The following CLSTN1 variants were observed in gnomAD, a reference collection of about 807,000 sequenced individuals.
CLSTN1 encodes calsyntenin 1.
Under a neutral mutation model 108.3 loss-of-function variants are expected in CLSTN1, and 28 were observed. That is an observed-to-expected ratio of 0.26 (90% CI 0.19 to 0.35). The LOEUF (loss-of-function observed/expected upper bound fraction) is 0.35. Ranked by LOEUF, CLSTN1 falls within the 10% of genes least tolerant of loss-of-function variation. The pLI is 1.00. For missense variants in CLSTN1, 1,157 were observed against 1,302.6 expected (o/e 0.89, Z 1.72); for synonymous variants, 524 against 534.9 (o/e 0.98, Z 0.28).
At chr1:9,747,095 G>A (rs531735749) in intron 7 of CLSTN1, among the ~76,000 whole-genome samples, 4 of 146,650 alleles carry the variant, frequency 2.7e-5, no homozygotes, top group South Asian at 2.1e-4. Context: ...CAGGAGAATC[G>A]CTTGAACCCA....
chr1:9,781,396 A>G (rs1016696907), intron 1 of CLSTN1, among the ~76,000 whole-genome samples: 8 of 152,166 alleles, frequency 5.3e-5, no homozygotes, highest in Admixed American at 5.2e-4. Flanking sequence ...AAATCAGTGG[A>G]AAGTGGCTTA....
At chr1:9,808,775 C>T (rs1180646882) in intron 1 of CLSTN1, among the ~76,000 whole-genome samples, 1 of 152,078 alleles carries the variant, frequency 6.6e-6, no homozygotes, top group African/African-American at 2.4e-5. Context: ...GTGGGCTGCT[C>T]AGATGCCAGG....
intron 1 of CLSTN1, among the ~76,000 whole-genome samples, chr1:9,819,613 C>G (rs1483500963): frequency 6.6e-6 from 1 of 152,136 alleles, no homozygotes; most frequent in East Asian, 1.9e-4. Context: ...TGCTTGGTTT[C>G]ATGCTTTTTC....
intron 9 of CLSTN1, among the ~76,000 whole-genome samples, chr1:9,742,822 C>A (rs1257495770): frequency 1.3e-5 from 2 of 151,868 alleles, no homozygotes; most frequent in Non-Finnish European, 2.9e-5. Flanking sequence ...GCAGGAGGAT[C>A]GCTTGAACCC....
chr1:9,782,530 G>A (rs1278344149), intron 1 of CLSTN1, among the ~76,000 whole-genome samples: 1 of 152,174 alleles, frequency 6.6e-6, no homozygotes, highest in Non-Finnish European at 1.5e-5. Flanking sequence ...AGTGCAGGCT[G>A]TAGCTAGGCA....
At chr1:9,739,420 G>A (rs1463020711) in intron 10 of CLSTN1, among the ~76,000 whole-genome samples, 1 of 152,300 alleles carries the variant, frequency 6.6e-6, no homozygotes, top group African/African-American at 2.4e-5. Context: ...ATTTCAGGAT[G>A]TTAATAACTA....
rs375296728 is a variant in CLSTN1 at position 9,770,733 on chromosome 1, C to T, written c.214+2539G>A. The stretch of plus-strand genomic sequence containing the variant: ...TATTGGCTGGGTGTGGTGGCTCACG[C>T]CTATAATCCCAGCACTTCGGGAGGC... On this transcript the variant is annotated intron_variant, in intron 2 of 18. Coordinates refer to ENST00000377298, the MANE Select transcript of CLSTN1 (RefSeq NM_001009566.3). Among the ~76,000 whole-genome samples, 21 of 152,334 alleles carry T rather than the reference C, an allele frequency of 1.4e-4. No homozygotes were observed. In the East Asian group the frequency reaches 3.5e-3, roughly 25 times the overall value.
chr1:9,735,110 G>T lies in CLSTN1; in HGVS notation c.1948C>A (p.Pro650Thr), dbSNP rs774557268. The change falls in exon 14 of 19, where the codon CCC becomes ACC. Residue 650 changes from proline to threonine, a missense_variant. Transcript: ENST00000377298. ...PVDGYVMVLQ[P>T]EEPKISLSGV... is the part of the protein sequence containing the mutation. ...CTCAGGCTGATCTTGGGCTCCTCGG[G>T]CTGTAAAACCATCACGTAGCCATCT... 9.3e-6 allele frequency: 15 copies of T among 1,614,214 alleles called. No individual in the cohort carries two copies. In the South Asian group the frequency reaches 1.6e-4, roughly 18 times the overall value.
chr1:9,791,005 G>A (rs867802356), intron 1 of CLSTN1, among the ~76,000 whole-genome samples: 4 of 150,998 alleles, frequency 2.6e-5, no homozygotes, highest in South Asian at 2.2e-4. Context: ...GGTGGTGGGC[G>A]CCTGTAGTCC....
At chr1:9,776,667 T>C (rs1304114860) in intron 1 of CLSTN1, among the ~76,000 whole-genome samples, 1 of 152,102 alleles carries the variant, frequency 6.6e-6, no homozygotes, top group African/African-American at 2.4e-5. Flanking sequence ...TCTACAACAA[T>C]GGGTCTTCAA....
chr1:9,820,720 CAT>C (rs1655161250), intron 1 of CLSTN1, among the ~76,000 whole-genome samples: 1 of 152,080 alleles, frequency 6.6e-6, no homozygotes, highest in Non-Finnish European at 1.5e-5. Context: ...TGACGGGAAA[CAT>C]ATGCAAAGCA....
At chr1:9,755,417 G>T (rs1651764042) in intron 3 of CLSTN1, 108 bp from the exon 4 acceptor site, 1 of 941,454 alleles carries the variant, frequency 1.1e-6, no homozygotes, top group Non-Finnish European at 1.6e-6. Flanking sequence ...ACAACAATTT[G>T]GCAGCCAGGG....
At chr1:9,749,343 C>G (rs1184254541) in intron 7 of CLSTN1, 118 bp downstream of exon 7, 6 of 1,051,726 alleles carry the variant, frequency 5.7e-6, no homozygotes, top group Non-Finnish European at 8.1e-6. Context: ...TTCAGAAATG[C>G]AGATTCTCTG....
At chr1:9,759,108 G>A (rs991717285) in intron 2 of CLSTN1, among the ~76,000 whole-genome samples, 1 of 152,200 alleles carries the variant, frequency 6.6e-6, no homozygotes, top group Admixed American at 6.5e-5. Flanking sequence ...CCTTGGCACA[G>A]CAAGTCCCAC....
chr1:9,764,580 T>C (rs1172181509), intron 2 of CLSTN1, among the ~76,000 whole-genome samples: 1 of 142,272 alleles, frequency 7.0e-6, no homozygotes, highest in African/African-American at 2.7e-5. Flanking sequence ...GAGGTTGCAG[T>C]GAGCTGAGAT....
chr1:9,804,166 G>C (rs1162658083), intron 1 of CLSTN1, among the ~76,000 whole-genome samples: 2 of 151,792 alleles, frequency 1.3e-5, no homozygotes, highest in Non-Finnish European at 2.9e-5. Context: ...ATCGAGGCCA[G>C]CCTGGCCAAC....
intron 16 of CLSTN1, among the ~76,000 whole-genome samples, chr1:9,733,095 G>A (rs1316339322): frequency 3.9e-5 from 6 of 152,070 alleles, no homozygotes. Context: ...AGCCCCAGAG[G>A]CATTAACTGC....
chr1:9,798,469 T>G (rs553995682), intron 1 of CLSTN1, among the ~76,000 whole-genome samples: 1 of 152,192 alleles, frequency 6.6e-6, no homozygotes, highest in Non-Finnish European at 1.5e-5. Flanking sequence ...TTCAGCTAAG[T>G]GAAAGAAACC....
At chr1:9,744,095 T>C in intron 8 of CLSTN1, 90 bp from the exon 9 acceptor site, 3 of 1,529,096 alleles carry the variant, frequency 2.0e-6, no homozygotes, top group South Asian at 1.2e-5. Flanking sequence ...GAAGACACAA[T>C]TTCATCTGCA....
Sources: gnomAD v4.1 joint callset for allele counts (sites outside exome capture counted in the v4.1 genomes callset) on GRCh38, gnomAD v4.1.1 for gene constraint, MANE v1.5 for transcripts, NCBI Gene and HGNC (gene_info 2026-07-23, HGNC 2026-07-21) for gene names.